The following ZNF814 variants were observed in gnomAD, a reference collection of about 807,000 sequenced individuals.
The protein encoded by ZNF814 is zinc finger protein 814.
Under a neutral mutation model 7.5 loss-of-function variants are expected in ZNF814, and 5 were observed. That is an observed-to-expected ratio of 0.67 (90% CI 0.35 to 1.40). The LOEUF is 1.40. Among genes scored for constraint, ZNF814 ranks in the 40% most tolerant of loss-of-function variants. The pLI is 0.04. For missense variants in ZNF814, 962 were observed against 1,018.0 expected, an observed-to-expected ratio of 0.94 and a Z score of 0.75; for synonymous variants, 315 against 340.7, an observed-to-expected ratio of 0.92 and a Z score of 0.83.
At chr19:57,889,491 G>C (rs1395469361), upstream of ZNF814, among the ~76,000 whole-genome samples, 3 of 152,212 alleles carry the variant, frequency 2.0e-5, no homozygotes, top group Non-Finnish European at 4.4e-5. Flanking sequence ...CTTGAGCTCA[G>C]GAGTTCGAAG....
In ZNF814 at chr19:57,873,502, T is replaced by C. The variant is rs1200737591; in HGVS notation, c.1888A>G (p.Arg630Gly). Residue 630 changes from arginine (R) to glycine (G), a missense_variant, in exon 3 of 3, where the codon AGA becomes GGA. Physicochemically the swap from Arg to Gly is moderately radical, Grantham distance 125. Coordinates refer to ENST00000435989, the MANE Select transcript of ZNF814 (RefSeq NM_001144989.2). ...CCACAGTCTCCACACTTGTAAGGTCTTTCTCCAGTGTGCATGCGCTGATGG... is the reference window on the plus strand; with the variant it reads ...CCACAGTCTCCACACTTGTAAGGTCCTTCTCCAGTGTGCATGCGCTGATGG... ...VHHQRMHTGERPYKCGDCGKS... is the reference protein window; with the variant it reads ...VHHQRMHTGEGPYKCGDCGKS... 6.2e-7 allele frequency: 1 copy of C among 1,614,230 alleles called. No individual in the cohort carries two copies. The highest frequency in any genetic ancestry group is 8.5e-7 in the Non-Finnish European group (1 of 1,180,038).
rs761471820 is a variant in ZNF814, at chr19:57,872,991, T to C, written c.2399A>G (p.Tyr800Cys). The change falls in exon 3 of 3, where the codon TAT becomes TGT. Residue 800 changes from tyrosine (Y) to cysteine (C), a missense_variant. Tyr to Cys is a radical substitution (Grantham distance 194). Coordinates refer to ENST00000435989, the MANE Select transcript of ZNF814 (RefSeq NM_001144989.2). ...AGATTTTCCACATTCACTGCACTCA[T>C]AAGGCTTTTCTCCAGTGTGAACTCT... ...HKRVHTGEKP[Y>C]ECSECGKSFA... 2.5e-6 allele frequency: 4 copies of C among 1,613,992 alleles called. No individual in the cohort carries two copies. Among genetic ancestry groups the C allele is most frequent in the Non-Finnish European group, 2.5e-6 (3 of 1,179,902 alleles).
At position 57,872,649 on chromosome 19, in the gene ZNF814, G is replaced by T. The variant is rs573884349; in HGVS notation, c.*173C>A. ...CAGCAAAGGATTTCCCACATTCACT[G>T]CACTCATAAGGTGGTGTGACCAGTG... On this transcript the variant is annotated 3_prime_UTR_variant, in exon 3 of 3. Coordinates refer to ENST00000435989, the MANE Select transcript of ZNF814 (RefSeq NM_001144989.2). 2 of 1,492,234 alleles carry T rather than the reference G, an allele frequency of 1.3e-6. No individual in the cohort carries two copies. Among genetic ancestry groups the T allele is most frequent in the African/African-American group, 2.8e-5 (2 of 71,850 alleles). The allele number at this position is 1,492,234 out of a possible 1,614,324, so 92.4% of individuals were successfully genotyped here.
rs750311579 is a variant in ZNF814, at chr19:57,873,099, C to T, written c.2291G>A (p.Arg764Gln). The T allele has an allele frequency of 3.7e-6, 6 of 1,613,708 alleles. No homozygotes were observed. Among genetic ancestry groups the T allele is most frequent in the South Asian group, 2.2e-5 (2 of 90,990 alleles). ...ATAAGGCTTTTCTCCAGTGTGAATT[C>T]GCTTATGAACACAGAATGTAGAGCT... ...THSSTFCVHK[R>Q]IHTGEKPYEC... Residue 764 changes from arginine (R) to glutamine (Q), a missense_variant, in exon 3 of 3, where the codon CGA becomes CAA. Around this residue, in one of 7 missense-constraint regions of ZNF814, gnomAD observed 665 missense variants for 551.4 expected, o/e 1.21. Coordinates refer to ENST00000435989, the MANE Select transcript of ZNF814 (RefSeq NM_001144989.2).
At chr19:57,876,583 A>C in intron 2 of ZNF814, 1 of 415,660 alleles carries the variant, frequency 2.4e-6, no homozygotes, top group Non-Finnish European at 4.2e-6. Context: ...ACAGGAAGGC[A>C]TAAGAAAATA....
chr19:57,894,992 G>A, the ZNF814 span, among the ~76,000 whole-genome samples: 8,279 of 152,192 alleles, frequency 0.054, 779 homozygotes, highest in African/African-American at 0.19. Flanking sequence ...AGGCACACAG[G>A]GGAAGAGTAT....
rs746033979 is a variant in ZNF814 at position 57,874,715 on chromosome 19, G to A, written c.675C>T (p.Thr225=). The change falls in exon 3 of 3, where the codon ACC becomes ACT. Residue 225 remains threonine (T), a synonymous_variant. Transcript: ENST00000435989. ...TCTGGTGCTGACTGAGTATATGTTTGGTGCTAAAATGTTTCATGGATTCTC... is the reference window on the plus strand; with the variant it reads ...TCTGGTGCTGACTGAGTATATGTTTAGTGCTAAAATGTTTCATGGATTCTC... ...SCGESMKHFS[T]KHILSQHQRL... is the part of the protein sequence containing the mutation. The A allele has an allele frequency of 4.4e-6, 7 of 1,593,046 alleles. No homozygotes were observed. Among genetic ancestry groups the A allele is most frequent in the Non-Finnish European group, 6.0e-6 (7 of 1,168,812 alleles).
At chr19:57,893,196 C>A (rs1341376073), upstream of ZNF814, among the ~76,000 whole-genome samples, 1 of 135,258 alleles carries the variant, frequency 7.4e-6, no homozygotes, top group Non-Finnish European at 1.5e-5. Flanking sequence ...TTTTTGGAGA[C>A]GGAGTCTTGC....
the ZNF814 span, among the ~76,000 whole-genome samples, chr19:57,902,453 G>T: frequency 6.6e-6 from 1 of 152,066 alleles, no homozygotes; most frequent in East Asian, 1.9e-4. Context: ...TTCCAAAAAT[G>T]ATATCTCCTG....
At position 57,872,484 on chromosome 19, in the gene ZNF814, A is replaced by G. The variant is rs1362642198; in HGVS notation, c.*338T>C. 6 of 471,482 alleles carry G rather than the reference A, an allele frequency of 1.3e-5. No individual in the cohort carries two copies. The highest frequency in any genetic ancestry group is 1.9e-5 in the Non-Finnish European group (5 of 269,348). The allele number at this position is 471,482 out of a possible 1,614,324, so 29.2% of individuals were successfully genotyped here. On this transcript the variant is annotated 3_prime_UTR_variant, in exon 3 of 3. Transcript: ENST00000435989. ...AGAGGTGTGGCTACAAAATTGCCCA[A>G]ATGTATTTTATTTGTCTAGTGTGAA...
Position 57,876,875 on chromosome 19 carries a change from A to G in ZNF814, c.163+41T>C, listed in dbSNP as rs532670677. 8.1e-6 allele frequency: 13 copies of G among 1,610,032 alleles called. No individual in the cohort carries two copies. The South Asian group carries it at 9.9e-5, about 12-fold the overall frequency. Reference sequence around the variant, plus strand: ...CCAATGGGGAAAGATAGGGGAAAACAGAGACTAGCTCAGGTCACAGGGTGA... The same window carrying G: ...CCAATGGGGAAAGATAGGGGAAAACGGAGACTAGCTCAGGTCACAGGGTGA... On this transcript the variant is annotated intron_variant, in intron 2 of 2. Transcript: ENST00000435989.
rs2071547085 is a variant in ZNF814 at position 57,870,346 on chromosome 19, C to T, written c.*2476G>A. ...GTTTGGCAACTCTATACTGACTACA[C>T]CAATTCTTCTCATGCCCTAAGTGGG... On this transcript the variant is annotated 3_prime_UTR_variant, in exon 3 of 3. Transcript: ENST00000435989. 1 of 152,208 alleles carries T rather than the reference C, an allele frequency of 6.6e-6. No individual in the cohort carries two copies. The highest frequency in any genetic ancestry group is 2.4e-5 in the African/African-American group (1 of 41,460). The allele number at this position is 152,208 out of a possible 1,614,324, so 9.4% of individuals were successfully genotyped here. A position where few individuals can be genotyped will look rare whatever the true frequency, so the allele number is the denominator to read the frequency against.
chr19:57,897,083 A>C, the ZNF814 span, among the ~76,000 whole-genome samples: 2 of 152,338 alleles, frequency 1.3e-5, no homozygotes, highest in East Asian at 3.9e-4. Context: ...CAAGGACCTA[A>C]AGAACCATAT....
At chr19:57,900,839 A>ATTTTTCTTTTTTTTTTTT in the ZNF814 span, among the ~76,000 whole-genome samples, 1 of 45,782 alleles carries the variant, frequency 2.2e-5, no homozygotes, top group Non-Finnish European at 3.8e-5. Context: ...CCATGGCTGC[A>ATTTTTCTTTTTTTTTTTT]TTTTTTTTTT....
At chr19:57,879,123 C>T (rs1420664291) in intron 1 of ZNF814, among the ~76,000 whole-genome samples, 9 of 148,166 alleles carry the variant, frequency 6.1e-5, no homozygotes, top group Non-Finnish European at 8.9e-5. Context: ...CCCATTCAAA[C>T]CGATCCAATA....
At chr19:57,904,168 A>G in the ZNF814 span, among the ~76,000 whole-genome samples, 1 of 151,978 alleles carries the variant, frequency 6.6e-6, no homozygotes, top group African/African-American at 2.4e-5. Flanking sequence ...AGAAGAACCT[A>G]TTCTCCCTTA....
Position 57,869,942 on chromosome 19 carries a change from C to CAAAAAAAAAAAAAAAAAAAAAAAA in ZNF814, c.*2879_*2880insTTTTTTTTTTTTTTTTTTTTTTTT, listed in dbSNP as rs57591690. The CAAAAAAAAAAAAAAAAAAAAAAAA allele has an allele frequency of 6.0e-5, 8 of 133,384 alleles. No individual in the cohort carries two copies. Among genetic ancestry groups the CAAAAAAAAAAAAAAAAAAAAAAAA allele is most frequent in the African/African-American group, 2.4e-4 (8 of 33,364 alleles). 8.3% of individuals were successfully genotyped at this position (133,384 alleles called of 1,614,324 possible). A position where few individuals can be genotyped will look rare whatever the true frequency, so the allele number is the denominator to read the frequency against. On this transcript the variant is annotated 3_prime_UTR_variant, in exon 3 of 3. Transcript: ENST00000435989. ...CCTGGCTGACAGTGAGACTCTGTCTCAAAAAAAAAAAAAAAAGGTTGGGCA... is the reference window on the plus strand; with the variant it reads ...CCTGGCTGACAGTGAGACTCTGTCTCAAAAAAAAAAAAAAAAAAAAAAAAAAAAAAAAAAAAAAAAGGTTGGGCA...
intron 1 of ZNF814, among the ~76,000 whole-genome samples, chr19:57,885,677 A>G (rs1161257495): frequency 1.3e-5 from 2 of 151,968 alleles, no homozygotes; most frequent in East Asian, 3.8e-4. Flanking sequence ...GAAAAAGAGA[A>G]TAAGATCTAG....
In ZNF814 at chr19:57,887,594, G is replaced by A. The variant is rs866305239; in HGVS notation, c.36+1173C>T. The stretch of plus-strand genomic sequence containing the variant: ...TAATCACCTAGCCTCGTTTCCACAT[G>A]AATAGACTCTCGCTTAGCTGAGAAA... On this transcript the variant is annotated intron_variant, in intron 1 of 2. Coordinates refer to ENST00000435989, the MANE Select transcript of ZNF814 (RefSeq NM_001144989.2). 1.2e-4 allele frequency among the ~76,000 whole-genome samples: 18 copies of A among 152,114 alleles called. No individual in the cohort carries two copies. The East Asian group carries it at 2.3e-3, about 20-fold the overall frequency.
Sources: gnomAD v4.1 joint callset for allele counts (sites outside exome capture counted in the v4.1 genomes callset) on GRCh38, gnomAD v4.1.1 for gene constraint, gnomAD v4.1.1 regional missense constraint, MANE v1.5 for transcripts, NCBI Gene and HGNC (gene_info 2026-07-23, HGNC 2026-07-21) for gene names.